Variants in INPP5A observed in about 807,000 individuals in gnomAD.
INPP5A encodes the protein 43 kDa inositol polyphosphate 5-phophatase.
A neutral mutation model predicts 65.2 loss-of-function variants in INPP5A; 14 were observed. That is an observed-to-expected ratio of 0.21 (90% confidence interval 0.14 to 0.34). The LOEUF (loss-of-function observed/expected upper bound fraction) is 0.34, where lower values mean the gene tolerates loss of function less well. INPP5A is among the 10% of genes least tolerant of loss of function. The probability of loss-of-function intolerance (pLI) is 1.00; values close to 1 mark genes in which losing one functional copy is unlikely to be tolerated. For synonymous variants in INPP5A, 207 were observed against 208.3 expected, an observed-to-expected ratio of 0.99 and a Z score of 0.05; for missense variants, 431 against 545.6, an observed-to-expected ratio of 0.79 and a Z score of 2.09.
At chr10:132,615,002 T>C (rs1355659574) in intron 2 of INPP5A, among the ~76,000 whole-genome samples, 1 of 152,008 alleles carries the variant, frequency 6.6e-6, no homozygotes, top group Non-Finnish European at 1.5e-5. Flanking sequence ...GCAGCCTGAG[T>C]GAAGAGAACG....
chr10:132,613,807 G>T (rs1298675157), intron 2 of INPP5A, among the ~76,000 whole-genome samples: 13 of 152,248 alleles, frequency 8.5e-5, no homozygotes, highest in Non-Finnish European at 7.3e-5. Flanking sequence ...CATGACCAGA[G>T]CCCACTGTGC....
rs1232238593 is a variant in INPP5A at position 132,676,270 on chromosome 10, C to A, written c.307-14122C>A. 6.6e-6 allele frequency among the ~76,000 whole-genome samples: 1 copy of A among 152,064 alleles called. No individual in the cohort carries two copies. Among genetic ancestry groups the A allele is most frequent in the African/African-American group, 2.4e-5 (1 of 41,394 alleles). On this transcript the variant is annotated intron_variant, in intron 4 of 15. Coordinates refer to ENST00000368594, the MANE Select transcript of INPP5A (RefSeq NM_005539.5). The surrounding 1 kb of genome is among the most constrained non-coding windows in gnomAD (Gnocchi z 4.0). ...CAGGTTTAAAATGACTGGTAGGCAC[C>A]CACAGGGAAACTAGGTTCCTCACAC...
chr10:132,704,845 T>C lies in INPP5A; in HGVS notation c.475-3468T>C, dbSNP rs1845508022. Reference sequence around the variant, plus strand: ...GGCAGCTCCTCTGGAGTGTGGAGGATGGAGGAAGGGCGTCTGGACAGGCAG... The same window carrying C: ...GGCAGCTCCTCTGGAGTGTGGAGGACGGAGGAAGGGCGTCTGGACAGGCAG... On this transcript the variant is annotated intron_variant, in intron 6 of 15. Transcript: ENST00000368594. This position sits in a 1 kb window ranked among gnomAD's most constrained non-coding sequence, Gnocchi z 4.5. Among the ~76,000 whole-genome samples the C allele has an allele frequency of 6.8e-6, 1 of 145,992 alleles. No homozygotes were observed. The highest frequency in any genetic ancestry group is 1.5e-5 in the Non-Finnish European group (1 of 66,704).
At chr10:132,778,911 C>G (rs1847112431) in intron 13 of INPP5A, among the ~76,000 whole-genome samples, 1 of 152,268 alleles carries the variant, frequency 6.6e-6, no homozygotes, top group African/African-American at 2.4e-5. Flanking sequence ...GCCCTGGTCC[C>G]TGAGATGCAC....
intron 1 of INPP5A, among the ~76,000 whole-genome samples, chr10:132,564,923 G>A (rs752152084): frequency 2.6e-5 from 4 of 152,140 alleles, no homozygotes; most frequent in Non-Finnish European, 4.4e-5. Flanking sequence ...GCTCTGGGCT[G>A]TGCTTGGGTC....
chr10:132,667,350 G>C (rs956740535), intron 4 of INPP5A, among the ~76,000 whole-genome samples: 1 of 152,204 alleles, frequency 6.6e-6, no homozygotes, highest in Non-Finnish European at 1.5e-5. Context: ...GCTCGTTCTG[G>C]AGTTAAGTGT....
In INPP5A at chr10:132,749,771, G is replaced by A. The variant is rs747603691; in HGVS notation, c.829G>A (p.Val277Ile). The change falls in exon 11 of 16, where the codon GTT becomes ATT. Residue 277 changes from valine (V) to isoleucine (I), a missense_variant and splice_region_variant. Val to Ile is a conservative substitution (Grantham distance 29, BLOSUM62 3). Coordinates refer to ENST00000368594, the MANE Select transcript of INPP5A (RefSeq NM_005539.5). The part of the protein sequence containing the change: ...IFRESDNDRK[V>I]MLQLEKKLFD... ...CTCATGGGCCACTCTGACTTCACAG[G>A]TTATGCTCCAGTTAGAAAAGAAACT... The A allele has an allele frequency of 6.2e-7, 1 of 1,613,084 alleles. No individual in the cohort carries two copies.
intron 1 of INPP5A, among the ~76,000 whole-genome samples, chr10:132,585,396 T>C (rs2071534220): frequency 2.0e-5 from 3 of 152,258 alleles, no homozygotes; most frequent in African/African-American, 7.2e-5. Flanking sequence ...ATGTAACTTC[T>C]TTTGCCGTAT....
chr10:132,642,561 A>G (rs2072439691), intron 2 of INPP5A, among the ~76,000 whole-genome samples: 1 of 152,148 alleles, frequency 6.6e-6, no homozygotes, highest in Admixed American at 6.5e-5. Flanking sequence ...GCGTTTGCCT[A>G]CAGAGCTGTG....
chr10:132,736,787 T>C (rs1846184176), intron 9 of INPP5A, among the ~76,000 whole-genome samples: 1 of 152,222 alleles, frequency 6.6e-6, no homozygotes, highest in Non-Finnish European at 1.5e-5. Context: ...TGTCAGCCAG[T>C]AGGTAACATC....
intron 11 of INPP5A, among the ~76,000 whole-genome samples, chr10:132,757,076 A>G (rs1846635512): frequency 6.6e-6 from 1 of 152,272 alleles, no homozygotes; most frequent in Non-Finnish European, 1.5e-5. Context: ...AAAAAGTTGA[A>G]AAATGTTAAA....
At chr10:132,766,085 C>T (rs1460349311) in intron 12 of INPP5A, among the ~76,000 whole-genome samples, 3 of 151,322 alleles carry the variant, frequency 2.0e-5, no homozygotes, top group Non-Finnish European at 4.4e-5. Flanking sequence ...CACATGTGCA[C>T]GAGTGTGTGT....
chr10:132,661,243 T>C (rs1326675992), intron 4 of INPP5A, among the ~76,000 whole-genome samples: 1 of 152,236 alleles, frequency 6.6e-6, no homozygotes, highest in African/African-American at 2.4e-5. Flanking sequence ...TTGAAAGTGA[T>C]GAGGACAATA....
At chr10:132,774,784 C>G (rs1049399152) in intron 12 of INPP5A, among the ~76,000 whole-genome samples, 43 of 149,272 alleles carry the variant, frequency 2.9e-4, no homozygotes, top group Non-Finnish European at 4.7e-4. Context: ...GGCTGCTGCC[C>G]GCATCCTACA....
chr10:132,559,359 T>C (rs553883818), intron 1 of INPP5A, among the ~76,000 whole-genome samples: 47 of 152,360 alleles, frequency 3.1e-4, no homozygotes, highest in Non-Finnish European at 1.0e-4. Context: ...ATATTACTTT[T>C]AATTAGGACA....
At chr10:132,731,580 C>T (rs1381812078) in intron 9 of INPP5A, among the ~76,000 whole-genome samples, 1 of 152,200 alleles carries the variant, frequency 6.6e-6, no homozygotes, top group Non-Finnish European at 1.5e-5. Context: ...TCGCTGGTGC[C>T]GTTTGTTGGT....
chr10:132,725,758 T>C (rs1845974898), intron 8 of INPP5A, among the ~76,000 whole-genome samples: 1 of 152,204 alleles, frequency 6.6e-6, no homozygotes, highest in Admixed American at 6.5e-5. Context: ...TAACCTGAGT[T>C]TATTATCTCC....
chr10:132,783,215 A>C lies in INPP5A; in HGVS notation c.*1186A>C, dbSNP rs1441609262. On this transcript the variant is annotated 3_prime_UTR_variant, in exon 16 of 16. Transcript: ENST00000368594. Reference sequence around the variant, plus strand: ...CACAAATGTATGTTTTATTGATTTTACTTTAGAACACTACAGAGTTCCTGG... The same window carrying C: ...CACAAATGTATGTTTTATTGATTTTCCTTTAGAACACTACAGAGTTCCTGG... 1 of 152,412 alleles carries C rather than the reference A, an allele frequency of 6.6e-6. No individual in the cohort carries two copies. Among genetic ancestry groups the C allele is most frequent in the Non-Finnish European group, 1.5e-5 (1 of 68,042 alleles). The allele number at this position is 152,412 out of a possible 1,614,324, so 9.4% of individuals were successfully genotyped here. A position where few individuals can be genotyped will look rare whatever the true frequency, so the allele number is the denominator to read the frequency against.
intron 1 of INPP5A, among the ~76,000 whole-genome samples, chr10:132,577,379 T>TG (rs1178997616): frequency 6.6e-6 from 1 of 152,302 alleles, no homozygotes; most frequent in East Asian, 1.9e-4. Flanking sequence ...CAAAAGGTGG[T>TG]GGGGTACCTG....
Sources: allele counts gnomAD v4.1 joint callset (sites outside exome capture counted in the v4.1 genomes callset), GRCh38; gene constraint gnomAD v4.1.1; non-coding constraint Gnocchi (gnomAD v3.1); transcripts MANE v1.5; gene names NCBI Gene and HGNC (gene_info 2026-07-23, HGNC 2026-07-21).